Variants in STK3 observed in about 807,000 individuals in gnomAD.
STK3 encodes serine/threonine kinase 3.
Under a neutral mutation model 58.0 loss-of-function variants are expected in STK3, and 41 were observed. The observed-to-expected ratio is 0.71, with a 90% CI of 0.55 to 0.92. The LOEUF is 0.92. STK3 is among the 40% of genes least tolerant of loss of function. The pLI is 0.00. For synonymous variants in STK3, 170 were observed against 191.0 expected (o/e 0.89, Z 0.91); for missense variants, 479 against 602.7 (o/e 0.79, Z 2.15).
chr8:98,613,324 T>C (rs969601159), intron 6 of STK3, among the ~76,000 whole-genome samples: 1 of 151,750 alleles, frequency 6.6e-6, no homozygotes, highest in Non-Finnish European at 1.5e-5. Flanking sequence ...AAATTACTCA[T>C]CAGACCAAGA....
At chr8:98,808,756 T>C (rs1054569910) in intron 1 of STK3, among the ~76,000 whole-genome samples, 3 of 152,214 alleles carry the variant, frequency 2.0e-5, no homozygotes, top group African/African-American at 7.2e-5. Flanking sequence ...GGAAGAATTA[T>C]CTTTTGCTAT....
chr8:98,594,945 T>C (rs1236909963), intron 7 of STK3: 1 of 152,206 alleles, frequency 6.6e-6, no homozygotes, highest in East Asian at 1.9e-4. Flanking sequence ...TGTGTGTACA[T>C]AGGTGTATTT....
intron 1 of STK3, among the ~76,000 whole-genome samples, chr8:98,924,279 T>C (rs570270532): frequency 1.3e-5 from 2 of 152,348 alleles, no homozygotes; most frequent in Admixed American, 1.3e-4. Flanking sequence ...CCCTTGTCAA[T>C]AAATAAACAT....
chr8:98,515,866 T>C (rs948017753), intron 10 of STK3, among the ~76,000 whole-genome samples: 14 of 152,100 alleles, frequency 9.2e-5, no homozygotes, highest in African/African-American at 3.4e-4. Context: ...TATGTATACA[T>C]GTGCCATGTT....
intron 6 of STK3, among the ~76,000 whole-genome samples, chr8:98,600,291 C>T (rs1345236891): frequency 6.6e-6 from 1 of 152,082 alleles, no homozygotes; most frequent in Admixed American, 6.5e-5. Context: ...CATAACAGCA[C>T]CATTATTAGT....
At position 98,585,509 on chromosome 8, in the gene STK3, T is replaced by C. The variant is rs371703587; in HGVS notation, c.823-5720A>G. Among the ~76,000 whole-genome samples the C allele has an allele frequency of 4.0e-5, 6 of 150,796 alleles. No individual in the cohort carries two copies. In the South Asian group the frequency reaches 8.5e-4, roughly 21 times the overall value. Reference sequence around the variant, plus strand: ...TTTTGGTTACTGTAGCCTTGTAGTATAGTTTGAAGTCAGGTAGTGTGATGC... The same window carrying C: ...TTTTGGTTACTGTAGCCTTGTAGTACAGTTTGAAGTCAGGTAGTGTGATGC... On this transcript the variant is annotated intron_variant, in intron 7 of 10. Transcript: ENST00000419617.
upstream of STK3, among the ~76,000 whole-genome samples, chr8:98,390,138 C>A (rs1408069228): frequency 6.6e-6 from 1 of 152,142 alleles, no homozygotes; most frequent in Non-Finnish European, 1.5e-5. Flanking sequence ...TCTCAGTGTT[C>A]CAAGTTTTCA....
At chr8:98,465,087 T>A (rs1820362015) in intron 10 of STK3, among the ~76,000 whole-genome samples, 1 of 152,122 alleles carries the variant, frequency 6.6e-6, no homozygotes, top group Admixed American at 6.6e-5. Context: ...TAGGAGAAAG[T>A]GCCAATTACT....
downstream of STK3, chr8:98,883,216 T>G (rs566249039): frequency 1.3e-5 from 2 of 155,230 alleles, no homozygotes; most frequent in Non-Finnish European, 2.9e-5. Flanking sequence ...TTCCCTCTAC[T>G]GTTCTCCTTC....
chr8:98,552,814 ATATT>A (rs1811282931), intron 8 of STK3, among the ~76,000 whole-genome samples: 1 of 143,352 alleles, frequency 7.0e-6, no homozygotes, highest in African/African-American at 2.5e-5. Flanking sequence ...TACTTGATAA[ATATT>A]TATTTAATGA....
At chr8:98,442,464 T>TA (rs1342598157) in intron 1 of STK3, among the ~76,000 whole-genome samples, 1 of 152,264 alleles carries the variant, frequency 6.6e-6, no homozygotes, top group Non-Finnish European at 1.5e-5. Context: ...AAATGCTAGA[T>TA]AAAACCACCA....
chr8:98,924,405 G>A (rs1839705729), intron 1 of STK3, among the ~76,000 whole-genome samples: 1 of 152,212 alleles, frequency 6.6e-6, no homozygotes, highest in Non-Finnish European at 1.5e-5. Flanking sequence ...GCAGCCCTGG[G>A]TAGAGTTGTG....
downstream of STK3, among the ~76,000 whole-genome samples, chr8:98,398,578 C>A (rs538877884): frequency 1.3e-5 from 2 of 152,274 alleles, no homozygotes; most frequent in East Asian, 3.9e-4. Flanking sequence ...TGTGCCTCGC[C>A]GCTCTTAGTC....
chr8:98,380,831 G>A (rs1221983012), intron 1 of STK3, among the ~76,000 whole-genome samples: 1 of 151,624 alleles, frequency 6.6e-6, no homozygotes, highest in Non-Finnish European at 1.5e-5. Flanking sequence ...GTTCTCATTG[G>A]GTATTCTTTA....
intron 8 of STK3, among the ~76,000 whole-genome samples, chr8:98,555,951 T>C (rs191611827): frequency 1.3e-5 from 2 of 152,168 alleles, no homozygotes; most frequent in East Asian, 3.9e-4. Flanking sequence ...AAGGGAAGTA[T>C]TTGGATTCTT....
chr8:98,373,661 T>C (rs1395552810), intron 2 of STK3, among the ~76,000 whole-genome samples: 2 of 152,250 alleles, frequency 1.3e-5, no homozygotes, highest in East Asian at 3.8e-4. Context: ...TTCACCATGC[T>C]GCCTCACCGC....
intron 1 of STK3, among the ~76,000 whole-genome samples, chr8:98,783,157 T>C (rs983098002): frequency 6.6e-6 from 1 of 152,154 alleles, no homozygotes; most frequent in East Asian, 1.9e-4. Flanking sequence ...TTCAGTTCCA[T>C]ACCGCAACAA....
At chr8:98,870,237 T>C (rs1837319930) in intron 3 of STK3, among the ~76,000 whole-genome samples, 2 of 152,254 alleles carry the variant, frequency 1.3e-5, no homozygotes, top group Admixed American at 1.3e-4. Context: ...TAATCCAGTC[T>C]ATCACTGATG....
intron 7 of STK3, among the ~76,000 whole-genome samples, chr8:98,588,803 A>G (rs1563774257): frequency 6.6e-6 from 1 of 151,668 alleles, no homozygotes; most frequent in Non-Finnish European, 1.5e-5. Flanking sequence ...ATTTCCTTTT[A>G]TTCTTTTTTC....
Sources: gnomAD v4.1 joint callset for allele counts (sites outside exome capture counted in the v4.1 genomes callset) on GRCh38, gnomAD v4.1.1 for gene constraint, MANE v1.5 for transcripts, NCBI Gene and HGNC (gene_info 2026-07-23, HGNC 2026-07-21) for gene names.